NCSTN: variants seen among roughly 807,000 people sequenced by gnomAD.
NCSTN encodes anterior pharynx-defective 2.
A neutral mutation model predicts 87.0 loss-of-function variants in NCSTN; 22 were observed. The ratio of observed to expected loss-of-function variants is 0.25; its 90% CI spans 0.18 to 0.36. The LOEUF is 0.36. NCSTN is among the 10% of genes least tolerant of loss of function. The pLI, the probability that NCSTN is intolerant of heterozygous loss-of-function variation, is 1.00. For synonymous variants in NCSTN, 306 were observed against 327.1 expected, an observed-to-expected ratio of 0.94 and a Z score of 0.69; for missense variants, 693 against 883.3, an observed-to-expected ratio of 0.78 and a Z score of 2.73.
chr1:160,350,469 A>G (rs1298970015), intron 5 of NCSTN, among the ~76,000 whole-genome samples: 1 of 151,912 alleles, frequency 6.6e-6, no homozygotes, highest in Non-Finnish European at 1.5e-5. Flanking sequence ...AAAAAAAAAA[A>G]AAAGGATTAT....
intron 16 of NCSTN, 121 bp downstream of exon 16, chr1:160,357,374 A>G (rs1054464049): frequency 1.9e-6 from 2 of 1,036,758 alleles, no homozygotes; most frequent in Non-Finnish European, 2.9e-6. Flanking sequence ...GCCTACTGCA[A>G]ATCTGTCCCT....
At position 160,358,442 on chromosome 1, in the gene NCSTN, C is replaced by T. The variant is rs1649243333; in HGVS notation, c.*171C>T. 4 of 822,518 alleles carry T rather than the reference C, an allele frequency of 4.9e-6. No individual in the cohort carries two copies. The highest frequency in any genetic ancestry group is 7.9e-6 in the Non-Finnish European group (4 of 505,302). 51.0% of individuals were successfully genotyped at this position (822,518 alleles called of 1,614,324 possible). A position where few individuals can be genotyped will look rare whatever the true frequency, so the allele number is the denominator to read the frequency against. ...GAGACAGGGAGAAATAAATAAATTG[C>T]CTCCCTTCCTCCGCTCCCCTTTCCC... On this transcript the variant is annotated 3_prime_UTR_variant, in exon 17 of 17. Coordinates refer to ENST00000294785, the MANE Select transcript of NCSTN (RefSeq NM_015331.3).
chr1:160,351,862 C>A (rs1265489650), intron 7 of NCSTN, 57 bp downstream of exon 7: 3 of 1,485,264 alleles, frequency 2.0e-6, no homozygotes, highest in East Asian at 2.3e-5. Context: ...AGCTGGTAGG[C>A]CCCGCTCTAG....
In NCSTN at chr1:160,354,210, A is replaced by G. The variant is rs763252106; in HGVS notation, c.1272A>G (p.Pro424=). The G allele has an allele frequency of 1.2e-6, 2 of 1,614,038 alleles. No homozygotes were observed. ...CAAATCAGTCCCAGCCTCTCCCACC[A>G]TCTTCCCTGCAGCGATTTCTTCGAG... The part of the protein sequence containing the change: ...RRPNQSQPLP[P]SSLQRFLRAR... The change falls in exon 11 of 17, where the codon CCA becomes CCG. Residue 424 remains proline (P), a synonymous_variant. Coordinates refer to ENST00000294785, the MANE Select transcript of NCSTN (RefSeq NM_015331.3).
intron 8 of NCSTN, 82 bp downstream of exon 8, chr1:160,352,288 C>G: frequency 6.4e-7 from 1 of 1,562,378 alleles, no homozygotes; most frequent in Admixed American, 1.7e-5. Context: ...TGGAGAAGAC[C>G]TCAGCACTTG....
rs3737795 is a variant in NCSTN at position 160,355,614 on chromosome 1, T to G, written c.1353-41T>G. 1,321 of 1,472,938 alleles carry G rather than the reference T, an allele frequency of 9.0e-4. 3 individuals carry two copies. Among genetic ancestry groups the G allele is most frequent in the East Asian group, 8.2e-3 (364 of 44,182 alleles). The allele number at this position is 1,472,938 out of a possible 1,614,324, so 91.2% of individuals were successfully genotyped here. ...TTGAGGGAGGAAAGGGGCAGAGCCC[T>G]GGCTAAATGTAGCCAAGGCTCATGC... On this transcript the variant is annotated intron_variant, in intron 11 of 16. Transcript: ENST00000294785.
At chr1:160,357,389 A>T in intron 16 of NCSTN, 136 bp downstream of exon 16, 1 of 940,988 alleles carries the variant, frequency 1.1e-6, no homozygotes, top group East Asian at 2.6e-5. Context: ...GTCCCTGGTC[A>T]GCCAGCATGT....
At position 160,345,256 on chromosome 1, in the gene NCSTN, G is replaced by A. The variant is rs148736362; in HGVS notation, c.190+430G>A. On this transcript the variant is annotated intron_variant, in intron 2 of 16. Coordinates refer to ENST00000294785, the MANE Select transcript of NCSTN (RefSeq NM_015331.3). ...CCCCCAGGCTGGAGTGCAATGGCAC[G>A]ATCTCGGCTCACGGTGACCTCTGCC... 8.6e-4 allele frequency: 231 copies of A among 268,694 alleles called. 1 individual carries two copies. The highest frequency in any genetic ancestry group is 4.4e-3 in the African/African-American group (195 of 44,338). The allele number at this position is 268,694 out of a possible 1,614,324, so 16.6% of individuals were successfully genotyped here. A position where few individuals can be genotyped will look rare whatever the true frequency, so the allele number is the denominator to read the frequency against.
intron 2 of NCSTN, 109 bp downstream of exon 2, chr1:160,344,935 A>G (rs1648380933): frequency 5.5e-6 from 5 of 901,778 alleles, no homozygotes; most frequent in African/African-American, 1.6e-5. Context: ...ATTGGACTGT[A>G]TGTAGGCAGT....
At chr1:160,345,614 A>G (rs1046219432) in intron 2 of NCSTN, among the ~76,000 whole-genome samples, 3 of 152,172 alleles carry the variant, frequency 2.0e-5, no homozygotes, top group Non-Finnish European at 2.9e-5. Flanking sequence ...GCTAAAGGCA[A>G]TGAACTATCT....
chr1:160,348,287 T>C (rs954513406), intron 2 of NCSTN, among the ~76,000 whole-genome samples: 3 of 152,186 alleles, frequency 2.0e-5, no homozygotes, highest in African/African-American at 4.8e-5. Context: ...ATGAGACACA[T>C]AGAAAATGTT....
Position 160,353,515 on chromosome 1 carries a change from T to C in NCSTN, c.1179+278T>C, listed in dbSNP as rs1361070623. Reference sequence around the variant, plus strand: ...CATTAAGGATAGGTGAGTGACTAGCTCCCTTCTTGCCTTGCTGCCCCATGG... The same window carrying C: ...CATTAAGGATAGGTGAGTGACTAGCCCCCTTCTTGCCTTGCTGCCCCATGG... On this transcript the variant is annotated intron_variant, in intron 10 of 16. Transcript: ENST00000294785. The C allele has an allele frequency of 1.1e-5, 14 of 1,328,258 alleles. No individual in the cohort carries two copies. The East Asian group carries it at 4.4e-4, about 42-fold the overall frequency. 82.3% of individuals were successfully genotyped at this position (1,328,258 alleles called of 1,614,324 possible). A position where few individuals can be genotyped will look rare whatever the true frequency, so the allele number is the denominator to read the frequency against.
chr1:160,353,442 G>C, intron 10 of NCSTN: 1 of 1,467,102 alleles, frequency 6.8e-7, no homozygotes. Context: ...TGGTTCCCTG[G>C]ACTGGGTAGT....
rs142233636 is a variant in NCSTN at position 160,357,882 on chromosome 1, G to C, written c.2008-267G>C. Among the ~76,000 whole-genome samples, 137 of 152,320 alleles carry C rather than the reference G, an allele frequency of 9.0e-4. 1 individual carries two copies. The highest frequency in any genetic ancestry group is 3.2e-3 in the African/African-American group (133 of 41,564). ...CAAGTCAGTAATGTAAGTGCCGCAA[G>C]GGAACCAAAGCCATGGGCCCTCCTT... On this transcript the variant is annotated intron_variant, in intron 16 of 16. Transcript: ENST00000294785.
In NCSTN at chr1:160,358,376, C is replaced by A; in HGVS notation, c.*105C>A. 2 of 1,459,936 alleles carry A rather than the reference C, an allele frequency of 1.4e-6. No individual in the cohort carries two copies. Among genetic ancestry groups the A allele is most frequent in the Admixed American group, 1.7e-5 (1 of 58,628 alleles). 90.4% of individuals were successfully genotyped at this position (1,459,936 alleles called of 1,614,324 possible). ...GTCACTGGAACCTCCCTGGGCCTGT[C>A]TCAGATTGGGATTAACATAAAAGAG... On this transcript the variant is annotated 3_prime_UTR_variant, in exon 17 of 17. Transcript: ENST00000294785.
chr1:160,351,051 G>T (rs1386038388), intron 5 of NCSTN, among the ~76,000 whole-genome samples, 171 bp from the exon 6 acceptor site: 1 of 151,970 alleles, frequency 6.6e-6, no homozygotes, highest in Non-Finnish European at 1.5e-5. Context: ...TTTTTTCTTT[G>T]ACCTTATAGA....
intron 16 of NCSTN, 127 bp downstream of exon 16, chr1:160,357,380 TC>T: frequency 3.0e-6 from 3 of 997,338 alleles, no homozygotes; most frequent in South Asian, 2.8e-5. Flanking sequence ...TGCAAATCTG[TC>T]CCTGGTCAGC....
rs1317821421 is a variant in NCSTN at position 160,358,727 on chromosome 1, A to G, written c.*456A>G. 4 of 234,984 alleles carry G rather than the reference A, an allele frequency of 1.7e-5. No homozygotes were observed. Among genetic ancestry groups the G allele is most frequent in the Non-Finnish European group, 2.6e-5 (3 of 117,416 alleles). The allele number at this position is 234,984 out of a possible 1,614,324, so 14.6% of individuals were successfully genotyped here. A position where few individuals can be genotyped will look rare whatever the true frequency, so the allele number is the denominator to read the frequency against. ...ACATTGAGCCCCTGAGGACAGGGGC[A>G]TCTCTGGGCTGAGCCTACTGTCTCC... is the stretch of plus-strand genomic sequence containing the variant. On this transcript the variant is annotated 3_prime_UTR_variant, in exon 17 of 17. Transcript: ENST00000294785.
intron 5 of NCSTN, among the ~76,000 whole-genome samples, chr1:160,350,712 T>TAAA (rs11414346): frequency 4.9e-4 from 72 of 148,026 alleles, no homozygotes; most frequent in African/African-American, 1.7e-3. Context: ...CTAGTATCGT[T>TAAA]AAAAAAAAAA....
Sources: allele counts gnomAD v4.1 joint callset (sites outside exome capture counted in the v4.1 genomes callset), GRCh38; gene constraint gnomAD v4.1.1; transcripts MANE v1.5; gene names NCBI Gene and HGNC (gene_info 2026-07-23, HGNC 2026-07-21).